PAQR5: variants seen among roughly 807,000 people sequenced by gnomAD.
PAQR5 encodes the protein membrane progestin receptor gamma.
In PAQR5, 20 loss-of-function variants were observed where a neutral mutation model predicts 34.5. That is an observed-to-expected ratio of 0.58 (90% CI 0.41 to 0.84). The LOEUF (loss-of-function observed/expected upper bound fraction) is 0.84, where lower values mean the gene tolerates loss of function less well. PAQR5 is among the 40% of genes least tolerant of loss of function. The probability of loss-of-function intolerance (pLI) is 0.00; values close to 1 mark genes in which losing one functional copy is unlikely to be tolerated. For synonymous variants in PAQR5, 131 were observed against 155.6 expected (o/e 0.84, Z 1.18); for missense variants, 378 against 412.7 (o/e 0.92, Z 0.73).
chr15:69,362,758 G>T (rs2055271285), intron 3 of PAQR5, among the ~76,000 whole-genome samples: 1 of 152,094 alleles, frequency 6.6e-6, no homozygotes, highest in Non-Finnish European at 1.5e-5. Flanking sequence ...AGGCTCTTTA[G>T]GGCACTTTGA....
chr15:69,360,754 G>C (rs2140844980), intron 3 of PAQR5, among the ~76,000 whole-genome samples: 1 of 152,326 alleles, frequency 6.6e-6, no homozygotes, highest in East Asian at 1.9e-4. Flanking sequence ...AAACATCATT[G>C]TGTTGCACCC....
intron 2 of PAQR5, among the ~76,000 whole-genome samples, chr15:69,348,547 T>A (rs1595881636): frequency 6.6e-6 from 1 of 152,266 alleles, no homozygotes. Context: ...GGGGAGAGAT[T>A]CCCTGCTTCT....
At chr15:69,365,460 A>C (rs192089986) in intron 3 of PAQR5, among the ~76,000 whole-genome samples, 1 of 152,200 alleles carries the variant, frequency 6.6e-6, no homozygotes, top group Non-Finnish European at 1.5e-5. Flanking sequence ...TGAGATGATC[A>C]TATATGATTC....
At chr15:69,308,941 G>A (rs918510314) in intron 1 of PAQR5, among the ~76,000 whole-genome samples, 2 of 152,256 alleles carry the variant, frequency 1.3e-5, no homozygotes, top group Admixed American at 6.5e-5. Flanking sequence ...TCTGATGACC[G>A]AAAGGGTTTG....
At chr15:69,366,917 G>A (rs866666946) in intron 3 of PAQR5, among the ~76,000 whole-genome samples, 4 of 151,828 alleles carry the variant, frequency 2.6e-5, no homozygotes, top group Non-Finnish European at 5.9e-5. Context: ...ATGTTGCAAA[G>A]GTATGATTTT....
rs199754517 is a variant in PAQR5 at position 69,403,604 on chromosome 15, G to A, written c.775G>A (p.Val259Met). The A allele has an allele frequency of 1.3e-5, 21 of 1,613,928 alleles. No individual in the cohort carries two copies. The highest frequency in any genetic ancestry group is 9.9e-5 in the South Asian group (9 of 91,086). Residue 259 changes from valine (V) to methionine (M), a missense_variant, in exon 9 of 9, where the codon GTG (valine) becomes ATG (methionine). Physicochemically the swap from Val to Met is conservative, Grantham distance 21. Transcript: ENST00000395407. ...AGGTCACAGTCACCAGCTGTTTCAC[G>A]TGTGTGTGATCCTGGCCACGCACAT... Reference protein sequence around the residue: ...YIGHSHQLFHVCVILATHMQM... With the variant: ...YIGHSHQLFHMCVILATHMQM...
At chr15:69,355,475 T>C (rs2055053350) in intron 2 of PAQR5, among the ~76,000 whole-genome samples, 2 of 151,006 alleles carry the variant, frequency 1.3e-5, no homozygotes, top group Admixed American at 1.3e-4. Flanking sequence ...GGCTGGAGTG[T>C]AGTGGTGAGA....
intron 3 of PAQR5, among the ~76,000 whole-genome samples, chr15:69,368,081 T>C (rs1157767309): frequency 6.6e-6 from 1 of 151,520 alleles, no homozygotes; most frequent in Non-Finnish European, 1.5e-5. Context: ...TTAGACCAAG[T>C]CTTGCTCTGT....
Position 69,405,275 on chromosome 15 carries a change from G to A in PAQR5, c.*1453G>A, listed in dbSNP as rs944386135. The A allele has an allele frequency of 9.2e-6, 3 of 324,430 alleles. No homozygotes were observed. The highest frequency in any genetic ancestry group is 1.7e-5 in the Non-Finnish European group (3 of 179,968). The allele number at this position is 324,430 out of a possible 1,614,324, so 20.1% of individuals were successfully genotyped here. A position where few individuals can be genotyped will look rare whatever the true frequency, so the allele number is the denominator to read the frequency against. ...ATGCAGGATCCTCTTTGCTGACTCA[G>A]GAATACTCCATATTTTAGACTACTG... is the stretch of plus-strand genomic sequence containing the variant. On this transcript the variant is annotated 3_prime_UTR_variant, in exon 9 of 9. Transcript: ENST00000395407.
intron 4 of PAQR5, among the ~76,000 whole-genome samples, chr15:69,381,873 GA>G (rs1164800857): frequency 6.6e-6 from 1 of 152,200 alleles, no homozygotes; most frequent in East Asian, 1.9e-4. Flanking sequence ...TCCTGCATAT[GA>G]AAAGCTTTGT....
At chr15:69,324,846 C>T (rs201785331) in intron 1 of PAQR5, among the ~76,000 whole-genome samples, 1 of 152,204 alleles carries the variant, frequency 6.6e-6, no homozygotes, top group South Asian at 2.1e-4. Context: ...AGCTCTCCCC[C>T]ATAGCTGTGG....
chr15:69,404,772 T>C lies in PAQR5; in HGVS notation c.*950T>C, dbSNP rs550586764. On this transcript the variant is annotated 3_prime_UTR_variant, in exon 9 of 9. Transcript: ENST00000395407. ...ACCTTGCCAGTGGGGTGGTCACATATAGTGTTCTCAAGCTTTACTGTGAAT... is the reference window on the plus strand; with the variant it reads ...ACCTTGCCAGTGGGGTGGTCACATACAGTGTTCTCAAGCTTTACTGTGAAT... The C allele has an allele frequency of 7.6e-5, 30 of 396,010 alleles. No individual in the cohort carries two copies. Among genetic ancestry groups the C allele is most frequent in the Middle Eastern group, 1.2e-3 (2 of 1,606 alleles). 24.5% of individuals were successfully genotyped at this position (396,010 alleles called of 1,614,324 possible).
intron 8 of PAQR5, among the ~76,000 whole-genome samples, chr15:69,400,621 C>G (rs2056597247): frequency 6.6e-6 from 1 of 152,122 alleles, no homozygotes; most frequent in Admixed American, 6.5e-5. Context: ...GTTGAGGCTA[C>G]AGTGAGCCAT....
intron 3 of PAQR5, among the ~76,000 whole-genome samples, chr15:69,370,383 G>A (rs182219579): frequency 6.6e-6 from 1 of 152,322 alleles, no homozygotes; most frequent in Admixed American, 6.5e-5. Flanking sequence ...CAGATGCTAA[G>A]TCTGAATAAG....
At chr15:69,315,590 G>A (rs2053927806) in intron 1 of PAQR5, among the ~76,000 whole-genome samples, 1 of 152,126 alleles carries the variant, frequency 6.6e-6, no homozygotes, top group Non-Finnish European at 1.5e-5. Context: ...TGACATTCCT[G>A]TGCCAAGAAA....
rs577686503 is a variant in PAQR5, at chr15:69,405,457, A to T, written c.*1635A>T. 6.5e-6 allele frequency: 1 copy of T among 153,166 alleles called. No individual in the cohort carries two copies. Among genetic ancestry groups the T allele is most frequent in the East Asian group, 1.9e-4 (1 of 5,220 alleles). The allele number at this position is 153,166 out of a possible 1,614,324, so 9.5% of individuals were successfully genotyped here. ...TGTTTACTTCCTCTGGGGAAGGCAG[A>T]CTGATAAAATTATATGGGCTGGTAA... On this transcript the variant is annotated 3_prime_UTR_variant, in exon 9 of 9. Coordinates refer to ENST00000395407, the MANE Select transcript of PAQR5 (RefSeq NM_017705.4).
At chr15:69,366,048 C>A (rs2055393740) in intron 3 of PAQR5, among the ~76,000 whole-genome samples, 1 of 152,166 alleles carries the variant, frequency 6.6e-6, no homozygotes, top group Non-Finnish European at 1.5e-5. Flanking sequence ...AAACCATCAC[C>A]ATGATCACCA....
chr15:69,322,756 A>ATG lies in PAQR5; in HGVS notation c.-276-14585_-276-14584insTG, dbSNP rs1566997835. Among the ~76,000 whole-genome samples, 5 of 45,878 alleles carry ATG rather than the reference A, an allele frequency of 1.1e-4. 2 individuals are homozygous for ATG. Among genetic ancestry groups the ATG allele is most frequent in the Non-Finnish European group, 1.8e-4 (4 of 22,512 alleles). 30.1% of individuals were successfully genotyped at this position (45,878 alleles called of 152,430 possible). A position where few individuals can be genotyped will look rare whatever the true frequency, so the allele number is the denominator to read the frequency against. ...GAAGAAGAAGAAGAAGAAGAAGAAG[A>ATG]AGAAGAAGAAGAAGAGGGAGAAGAA... On this transcript the variant is annotated intron_variant, in intron 1 of 8. Coordinates refer to ENST00000395407, the MANE Select transcript of PAQR5 (RefSeq NM_017705.4).
chr15:69,357,713 ACGG>A (rs1429618080), intron 2 of PAQR5, among the ~76,000 whole-genome samples: 1 of 152,202 alleles, frequency 6.6e-6, no homozygotes, highest in African/African-American at 2.4e-5. Context: ...CATATTTACG[ACGG>A]TGAAATAAAC....
Sources: gnomAD v4.1 joint callset for allele counts (sites outside exome capture counted in the v4.1 genomes callset) on GRCh38, gnomAD v4.1.1 for gene constraint, MANE v1.5 for transcripts, NCBI Gene and HGNC (gene_info 2026-07-23, HGNC 2026-07-21) for gene names.